SND1: variants seen among roughly 807,000 people sequenced by gnomAD.
The protein encoded by SND1 is staphylococcal nuclease domain-containing protein 1.
A neutral mutation model predicts 121.7 loss-of-function variants in SND1; 38 were observed. The observed-to-expected ratio is 0.31, with a 90% CI of 0.24 to 0.41. SND1 has a LOEUF of 0.41. Among genes scored for constraint, SND1 ranks in the 10% least tolerant of loss-of-function variants. The pLI is 1.00. For synonymous variants in SND1, 401 were observed against 447.4 expected, an observed-to-expected ratio of 0.90 and a Z score of 1.31; for missense variants, 868 against 1,184.6, an observed-to-expected ratio of 0.73 and a Z score of 3.92.
intron 11 of SND1, among the ~76,000 whole-genome samples, chr7:127,829,852 T>C (rs1378450140): frequency 2.0e-5 from 3 of 152,264 alleles, no homozygotes; most frequent in East Asian, 3.9e-4. Flanking sequence ...CTATAGGTGG[T>C]TGATGGTTTC....
At chr7:128,045,295 G>T (rs1438919085) in intron 16 of SND1, among the ~76,000 whole-genome samples, 3 of 152,138 alleles carry the variant, frequency 2.0e-5, no homozygotes, top group Non-Finnish European at 4.4e-5. Context: ...GCTGCCCCCA[G>T]AATAGAGTTC....
chr7:127,722,491 C>CT (rs925821839), intron 10 of SND1, among the ~76,000 whole-genome samples: 7 of 151,418 alleles, frequency 4.6e-5, no homozygotes, highest in East Asian at 2.0e-4. Context: ...ACTTATCTAC[C>CT]TTTTTTTTAT....
At chr7:128,032,708 G>T (rs889575274) in intron 16 of SND1, among the ~76,000 whole-genome samples, 31 of 152,290 alleles carry the variant, frequency 2.0e-4, no homozygotes, top group African/African-American at 7.5e-4. Context: ...GGAACTGCGT[G>T]GTGGGGACTC....
chr7:127,933,121 T>A (rs576219812), intron 15 of SND1, among the ~76,000 whole-genome samples: 2 of 152,302 alleles, frequency 1.3e-5, no homozygotes, highest in East Asian at 3.9e-4. Context: ...AAGAGAACAT[T>A]GAAGTTTTGT....
intron 16 of SND1, among the ~76,000 whole-genome samples, chr7:128,003,718 A>G (rs1377541078): frequency 6.6e-6 from 1 of 152,190 alleles, no homozygotes; most frequent in East Asian, 1.9e-4. Context: ...TTGGATATGG[A>G]TTTTTGGCCT....
chr7:127,718,809 T>C, intron 9 of SND1: 1 of 892,538 alleles, frequency 1.1e-6, no homozygotes, highest in Non-Finnish European at 1.3e-6. Context: ...TAAGCATGAC[T>C]AGGGAGCAGA....
chr7:127,705,499 G>A (rs974052009), intron 8 of SND1, among the ~76,000 whole-genome samples: 12 of 152,106 alleles, frequency 7.9e-5, no homozygotes, highest in African/African-American at 2.7e-4. Context: ...AGCAGATATA[G>A]GAATAACTTG....
intron 16 of SND1, chr7:128,027,949 C>A (rs538805490): frequency 1.7e-4 from 26 of 152,638 alleles, no homozygotes; most frequent in African/African-American, 6.3e-4. Flanking sequence ...CGCCAGCTCC[C>A]GTCCTTCTCT....
intron 9 of SND1, among the ~76,000 whole-genome samples, chr7:127,707,905 G>A (rs1035220035): frequency 2.0e-5 from 3 of 151,542 alleles, no homozygotes; most frequent in Non-Finnish European, 4.4e-5. Context: ...TCATAGTTTA[G>A]GACTTCTTTT....
chr7:127,698,990 G>A (rs748219222), intron 4 of SND1, 37 bp downstream of exon 4: 3 of 1,558,308 alleles, frequency 1.9e-6, no homozygotes, highest in East Asian at 4.5e-5. Context: ...TCTGACAGCG[G>A]TAAATTGGCT....
At chr7:127,725,435 A>G (rs1010986771) in intron 10 of SND1, among the ~76,000 whole-genome samples, 3 of 152,226 alleles carry the variant, frequency 2.0e-5, no homozygotes, top group Admixed American at 6.5e-5. Flanking sequence ...CCGCTTTGCC[A>G]GGTACCCTTC....
At chr7:127,935,474 G>A (rs1364638911) in intron 15 of SND1, among the ~76,000 whole-genome samples, 1 of 152,166 alleles carries the variant, frequency 6.6e-6, no homozygotes, top group Non-Finnish European at 1.5e-5. Flanking sequence ...GGAACATGAG[G>A]TTTGAAATAT....
intron 13 of SND1, among the ~76,000 whole-genome samples, chr7:127,892,581 A>T (rs1039197043): frequency 9.9e-5 from 15 of 152,132 alleles, no homozygotes; most frequent in Non-Finnish European, 1.5e-4. Context: ...CACATTCCCA[A>T]AAGGCGGCCT....
intron 16 of SND1, among the ~76,000 whole-genome samples, chr7:128,056,276 C>G (rs904730679): frequency 3.3e-5 from 5 of 152,224 alleles, no homozygotes; most frequent in African/African-American, 1.2e-4. Context: ...CCCTGCCAAG[C>G]CTGGCTTTTG....
chr7:128,050,575 C>A (rs1285940111), intron 16 of SND1, among the ~76,000 whole-genome samples: 2 of 152,148 alleles, frequency 1.3e-5, no homozygotes, highest in East Asian at 3.9e-4. Context: ...CCTCAGATCC[C>A]CAGCAATTTT....
At chr7:127,889,960 T>G (rs1223339183) in intron 13 of SND1, among the ~76,000 whole-genome samples, 1 of 152,160 alleles carries the variant, frequency 6.6e-6, no homozygotes, top group African/African-American at 2.4e-5. Context: ...AAGTTTTGGC[T>G]GTTGTGAACA....
At chr7:127,889,405 T>G (rs1489190144) in intron 13 of SND1, among the ~76,000 whole-genome samples, 1 of 152,022 alleles carries the variant, frequency 6.6e-6, no homozygotes, top group Non-Finnish European at 1.5e-5. Context: ...AACAGATGTA[T>G]GTATTTATGG....
At chr7:127,729,041 T>G (rs1164156267) in intron 10 of SND1, among the ~76,000 whole-genome samples, 1 of 152,136 alleles carries the variant, frequency 6.6e-6, no homozygotes, top group Non-Finnish European at 1.5e-5. Flanking sequence ...TGACTCGCCC[T>G]GCCTCTCTCT....
intron 16 of SND1, among the ~76,000 whole-genome samples, chr7:128,068,027 C>T (rs1339958472): frequency 2.0e-5 from 3 of 152,156 alleles, no homozygotes; most frequent in East Asian, 1.9e-4. Context: ...CTCCCCGCAA[C>T]TTCACCATGA....
Sources: allele counts gnomAD v4.1 joint callset (sites outside exome capture counted in the v4.1 genomes callset), GRCh38; gene constraint gnomAD v4.1.1; transcripts MANE v1.5; gene names NCBI Gene and HGNC (gene_info 2026-07-23, HGNC 2026-07-21).